NETO1: variants seen among roughly 807,000 people sequenced by gnomAD.
The protein encoded by NETO1 is neuropilin and tolloid-like protein 1.
Under a neutral mutation model 61.3 loss-of-function variants are expected in NETO1, and 26 were observed. The ratio of observed to expected loss-of-function variants is 0.42; its 90% CI spans 0.31 to 0.59. The LOEUF is 0.59. Among genes scored for constraint, NETO1 ranks in the 20% least tolerant of loss-of-function variants. The pLI is 0.12. For synonymous variants in NETO1, 225 were observed against 225.8 expected (o/e 1.00, Z 0.03); for missense variants, 531 against 662.8 (o/e 0.80, Z 2.18).
At position 72,748,036 on chromosome 18, in the gene NETO1, A is replaced by T. The variant is rs1360967680; in HGVS notation, c.*143T>A. 2.9e-6 allele frequency: 2 copies of T among 685,456 alleles called. No homozygotes were observed. The highest frequency in any genetic ancestry group is 1.8e-6 in the Non-Finnish European group (1 of 556,112). The allele number at this position is 685,456 out of a possible 1,614,324, so 42.5% of individuals were successfully genotyped here. ...GCAGCGGGGATGTCTTGCCGAAGGA[A>T]TAACAAATGTCTGTAATTCTTAAGT... is the stretch of plus-strand genomic sequence containing the variant. On this transcript the variant is annotated 3_prime_UTR_variant, in exon 11 of 11. Coordinates refer to ENST00000327305, the MANE Select transcript of NETO1 (RefSeq NM_138966.5).
chr18:72,835,209 A>G, intron 4 of NETO1: 1 of 1,408,550 alleles, frequency 7.1e-7, no homozygotes, highest in Non-Finnish European at 9.5e-7. Context: ...GTGTGCTTCA[A>G]GATGGTGTTA....
intron 4 of NETO1, among the ~76,000 whole-genome samples, chr18:72,837,758 C>CA (rs1394834070): frequency 6.6e-6 from 1 of 152,128 alleles, no homozygotes; most frequent in Non-Finnish European, 1.5e-5. Context: ...TGAATGAGAG[C>CA]TTGGGGGGAT....
At chr18:72,865,474 TA>T in intron 1 of NETO1, 1 of 1,407,540 alleles carries the variant, frequency 7.1e-7, no homozygotes, top group Non-Finnish European at 9.8e-7. Context: ...CCCAAACTCC[TA>T]AGGCAAATAC....
chr18:72,867,514 C>T lies in NETO1; in HGVS notation c.-223G>A, dbSNP rs1211937537. The T allele has an allele frequency of 1.8e-5, 7 of 389,258 alleles. No homozygotes were observed. The highest frequency in any genetic ancestry group is 2.8e-4 in the South Asian group (2 of 7,038). 24.1% of individuals were successfully genotyped at this position (389,258 alleles called of 1,614,324 possible). On this transcript the variant is annotated 5_prime_UTR_variant, in exon 1 of 11. Transcript: ENST00000327305. ...CCTCCGCCCCGGGCGGGCTCTCGCT[C>T]TCGCTGGCCCTCAGCGCCGCGCAGC...
intron 4 of NETO1, among the ~76,000 whole-genome samples, chr18:72,856,627 AATTTACGTGAT>A (rs1247523113): frequency 6.6e-6 from 1 of 152,210 alleles, no homozygotes; most frequent in Non-Finnish European, 1.5e-5. Flanking sequence ...CCGTGTTCAA[AATTTACGTGAT>A]GCAAAGAAAA....
At chr18:72,864,527 C>T (rs930019060) in intron 3 of NETO1, among the ~76,000 whole-genome samples, 4 of 152,228 alleles carry the variant, frequency 2.6e-5, no homozygotes, top group African/African-American at 9.6e-5. Flanking sequence ...CATTCTACTG[C>T]ATGAGAACTC....
intron 8 of NETO1, 148 bp downstream of exon 8, chr18:72,755,886 C>G (rs926754199): frequency 6.0e-6 from 3 of 502,800 alleles, no homozygotes; most frequent in African/African-American, 5.8e-5. Context: ...CTAAGAAAAA[C>G]GCTTACAAAT....
Position 72,747,221 on chromosome 18 carries a change from A to G in NETO1, c.*958T>C, listed in dbSNP as rs1568165539. 6.6e-6 allele frequency: 1 copy of G among 151,952 alleles called. No homozygotes were observed. The highest frequency in any genetic ancestry group is 1.5e-5 in the Non-Finnish European group (1 of 67,952). 9.4% of individuals were successfully genotyped at this position (151,952 alleles called of 1,614,324 possible). ...TGGAAGAAAACATTTCTCTTAACTC[A>G]AATTAGGAAATTATTATACATTTTA... On this transcript the variant is annotated 3_prime_UTR_variant, in exon 11 of 11. Transcript: ENST00000327305.
At chr18:72,793,991 G>T in intron 6 of NETO1, 126 bp downstream of exon 6, 1 of 1,258,704 alleles carries the variant, frequency 7.9e-7, no homozygotes, top group Non-Finnish European at 1.1e-6. Flanking sequence ...AAACCAAAAT[G>T]AAATCATAGC....
chr18:72,846,626 AAAT>A (rs1355359690), intron 4 of NETO1, among the ~76,000 whole-genome samples: 3 of 150,890 alleles, frequency 2.0e-5, no homozygotes, highest in Non-Finnish European at 2.9e-5. Flanking sequence ...TATAAACAGA[AAAT>A]AAGCATATTT....
chr18:72,762,164 C>CTT (rs36062589), intron 7 of NETO1, among the ~76,000 whole-genome samples: 246 of 147,604 alleles, frequency 1.7e-3, no homozygotes, highest in South Asian at 3.9e-3. Flanking sequence ...TTAGAATACA[C>CTT]TTTTTTTTTT....
At chr18:72,846,286 C>T (rs924210278) in intron 4 of NETO1, among the ~76,000 whole-genome samples, 1 of 151,274 alleles carries the variant, frequency 6.6e-6, no homozygotes, top group African/African-American at 2.4e-5. Context: ...GGGTGGATCA[C>T]GAGGTCAGGA....
At chr18:72,790,597 G>T (rs1382886910) in intron 6 of NETO1, among the ~76,000 whole-genome samples, 2 of 151,850 alleles carry the variant, frequency 1.3e-5, no homozygotes, top group African/African-American at 4.8e-5. Flanking sequence ...ACTCTGCTTG[G>T]ATTCCTCCGG....
intron 4 of NETO1, among the ~76,000 whole-genome samples, chr18:72,824,203 G>A (rs925359587): frequency 6.6e-6 from 1 of 152,124 alleles, no homozygotes; most frequent in Non-Finnish European, 1.5e-5. Context: ...AGTAAATAGA[G>A]CTCCCAGAAT....
chr18:72,817,317 C>A (rs1373260064), intron 4 of NETO1, among the ~76,000 whole-genome samples: 1 of 152,236 alleles, frequency 6.6e-6, no homozygotes, highest in Non-Finnish European at 1.5e-5. Context: ...TCAAGTCCCA[C>A]AGCCCACAGC....
chr18:72,851,210 G>C lies in NETO1; in HGVS notation c.469+7616C>G, dbSNP rs923763565. 1.5e-4 allele frequency among the ~76,000 whole-genome samples: 23 copies of C among 152,040 alleles called. 1 individual carries two copies. Among genetic ancestry groups the C allele is most frequent in the Non-Finnish European group, 2.9e-4 (20 of 68,026 alleles). ...GCGGATCACCTGAGGTCGGGAGTTC[G>C]AGACCAGCCTGATCAACGTGGAGAA... is the stretch of plus-strand genomic sequence containing the variant. On this transcript the variant is annotated intron_variant, in intron 4 of 10. Transcript: ENST00000327305.
At chr18:72,775,492 T>A (rs1460832164) in intron 7 of NETO1, among the ~76,000 whole-genome samples, 1 of 152,232 alleles carries the variant, frequency 6.6e-6, no homozygotes, top group Non-Finnish European at 1.5e-5. Context: ...AGTGTACTTT[T>A]GTCTTAATAC....
intron 7 of NETO1, among the ~76,000 whole-genome samples, chr18:72,765,029 T>C (rs7245233): frequency 0.32 from 48,259 of 152,120 alleles, 8,399 homozygotes; most frequent in South Asian, 0.41. Context: ...CTTGGCCATC[T>C]GAAAGTATAA....
intron 4 of NETO1, among the ~76,000 whole-genome samples, chr18:72,818,442 G>A (rs2073092192): frequency 6.6e-6 from 1 of 152,206 alleles, no homozygotes; most frequent in Non-Finnish European, 1.5e-5. Context: ...ACATTTCACT[G>A]TGGAGGATTC....
Sources: allele counts gnomAD v4.1 joint callset (sites outside exome capture counted in the v4.1 genomes callset), GRCh38; gene constraint gnomAD v4.1.1; transcripts MANE v1.5; gene names NCBI Gene and HGNC (gene_info 2026-07-23, HGNC 2026-07-21).